Variants in RNLS observed in about 807,000 individuals in gnomAD.
RNLS encodes the protein renalase, FAD dependent amine oxidase, also known as renalase.
In RNLS, 39 loss-of-function variants were observed where a neutral mutation model predicts 39.8. That is an observed-to-expected ratio of 0.98 (90% confidence interval 0.76 to 1.28). The LOEUF is 1.28. Ranked by LOEUF, RNLS falls within the 50% of genes most tolerant of loss-of-function variation. RNLS has a pLI of 0.00. For synonymous variants in RNLS, 147 were observed against 150.7 expected (o/e 0.98, Z 0.18); for missense variants, 410 against 413.3 (o/e 0.99, Z 0.07).
intron 4 of RNLS, among the ~76,000 whole-genome samples, chr10:88,482,243 T>C (rs998297783): frequency 6.6e-6 from 1 of 152,156 alleles, no homozygotes; most frequent in Non-Finnish European, 1.5e-5. Context: ...GTTTTTTCTC[T>C]ACTGCTTTCT....
chr10:88,183,801 A>C, the RNLS span, among the ~76,000 whole-genome samples: 2 of 152,110 alleles, frequency 1.3e-5, no homozygotes, highest in Non-Finnish European at 2.9e-5. Context: ...TTGACCAATC[A>C]GGATGTTTCA....
Position 88,286,319 on chromosome 10 carries a change from G to C in RNLS, c.877-813C>G, listed in dbSNP as rs569007087. Among the ~76,000 whole-genome samples the C allele has an allele frequency of 1.3e-4, 20 of 152,038 alleles. No homozygotes were observed. The South Asian group carries it at 2.7e-3, about 21-fold the overall frequency. ...GTCCTGAGAGTAGACTGACCCCAAA[G>C]CAGTCTTTTTAAACAGCTTTTTATT... On this transcript the variant is annotated intron_variant, in intron 6 of 6. Coordinates refer to ENST00000331772, the MANE Select transcript of RNLS (RefSeq NM_001031709.3).
At chr10:88,556,329 A>T (rs547708602) in intron 4 of RNLS, among the ~76,000 whole-genome samples, 1 of 152,238 alleles carries the variant, frequency 6.6e-6, no homozygotes, top group East Asian at 1.9e-4. Flanking sequence ...TCTGGATTGC[A>T]CCTACTGCTC....
Position 88,308,821 on chromosome 10 carries a change from T to C in RNLS, c.876+5645A>G, listed in dbSNP as rs150540489. ...TTCTATTATAAGATACATGTACACA[T>C]ATGTTCATTGCAGTGCTATTCACAA... On this transcript the variant is annotated intron_variant, in intron 6 of 6. Transcript: ENST00000331772. Among the ~76,000 whole-genome samples, 13 of 152,328 alleles carry C rather than the reference T, an allele frequency of 8.5e-5. No homozygotes were observed. In the East Asian group the frequency reaches 2.3e-3, roughly 27 times the overall value.
intron 4 of RNLS, among the ~76,000 whole-genome samples, chr10:88,427,652 T>C (rs1170146435): frequency 6.6e-6 from 1 of 151,956 alleles, no homozygotes; most frequent in Non-Finnish European, 1.5e-5. Context: ...AAAATCTACT[T>C]ACTATTTGAT....
chr10:88,288,940 G>C (rs890725794), intron 6 of RNLS, among the ~76,000 whole-genome samples: 3 of 152,128 alleles, frequency 2.0e-5, no homozygotes, highest in Admixed American at 2.0e-4. Context: ...CAATAATGCA[G>C]CCTTTGGCTA....
the RNLS span, among the ~76,000 whole-genome samples, chr10:88,206,913 G>C: frequency 6.6e-6 from 1 of 152,064 alleles, no homozygotes; most frequent in Non-Finnish European, 1.5e-5. Context: ...GGACTCTTTA[G>C]CCTTGCCTGA....
the RNLS span, among the ~76,000 whole-genome samples, chr10:88,258,952 C>G: frequency 2.0e-5 from 3 of 152,326 alleles, no homozygotes; most frequent in Middle Eastern, 6.8e-3. Flanking sequence ...GAGCTCAAAT[C>G]CCTGAAGCTA....
intron 4 of RNLS, among the ~76,000 whole-genome samples, chr10:88,539,638 C>T (rs1847943043): frequency 6.6e-6 from 1 of 152,014 alleles, no homozygotes; most frequent in African/African-American, 2.4e-5. Context: ...CACAGTTATC[C>T]CTCAGTACAT....
At chr10:88,291,418 G>A (rs1843666656) in intron 6 of RNLS, among the ~76,000 whole-genome samples, 1 of 152,168 alleles carries the variant, frequency 6.6e-6, no homozygotes, top group African/African-American at 2.4e-5. Flanking sequence ...AAGTCTGGTT[G>A]TCTTCCCAGA....
At chr10:88,220,179 AG>A in the RNLS span, among the ~76,000 whole-genome samples, 5 of 152,266 alleles carry the variant, frequency 3.3e-5, no homozygotes, top group African/African-American at 1.2e-4. Context: ...TGCTGGTGCC[AG>A]TAGTTCATAT....
the RNLS span, among the ~76,000 whole-genome samples, chr10:88,192,146 C>T: frequency 2.6e-5 from 4 of 152,082 alleles, no homozygotes; most frequent in Admixed American, 6.6e-5. Context: ...AAACACTGTG[C>T]TTCCTATGCT....
chr10:88,555,697 G>A (rs558677134), intron 4 of RNLS, among the ~76,000 whole-genome samples: 10 of 152,154 alleles, frequency 6.6e-5, no homozygotes, highest in East Asian at 1.9e-4. Flanking sequence ...TCCACATTGC[G>A]AAATCCAATG....
the RNLS span, among the ~76,000 whole-genome samples, chr10:88,187,018 A>T: frequency 6.6e-6 from 1 of 151,456 alleles, no homozygotes; most frequent in East Asian, 1.9e-4. Flanking sequence ...GAGCACTCAA[A>T]TCTCACAACT....
chr10:88,347,415 T>C (rs1270539903), intron 5 of RNLS, among the ~76,000 whole-genome samples: 2 of 152,204 alleles, frequency 1.3e-5, no homozygotes, highest in Non-Finnish European at 2.9e-5. Context: ...GAGCTTTCTA[T>C]ATTTGAGATT....
At chr10:88,326,528 T>A (rs1430104970) in intron 5 of RNLS, among the ~76,000 whole-genome samples, 1 of 152,212 alleles carries the variant, frequency 6.6e-6, no homozygotes, top group African/African-American at 2.4e-5. Flanking sequence ...GTGTTCAAGA[T>A]GTGGTCTGTG....
the RNLS span, among the ~76,000 whole-genome samples, chr10:88,225,489 G>A: frequency 3.9e-5 from 6 of 152,222 alleles, no homozygotes; most frequent in African/African-American, 1.4e-4. Flanking sequence ...CAAGATGGGA[G>A]GCTTGCTTAA....
intron 4 of RNLS, among the ~76,000 whole-genome samples, chr10:88,383,124 T>C (rs1210279913): frequency 1.3e-5 from 2 of 152,100 alleles, no homozygotes; most frequent in Non-Finnish European, 1.5e-5. Flanking sequence ...TTTTGCGGAC[T>C]TAACCATCAT....
Position 88,495,558 on chromosome 10 carries a change from T to G in RNLS, c.526+77345A>C, listed in dbSNP as rs555647065. ...TCAAAGTAATCTCCATTTAAGTGAG[T>G]GGAACATACTGAAAAGAAATCAAAA... On this transcript the variant is annotated intron_variant, in intron 4 of 6. Coordinates refer to ENST00000331772, the MANE Select transcript of RNLS (RefSeq NM_001031709.3). Among the ~76,000 whole-genome samples the G allele has an allele frequency of 9.9e-5, 15 of 152,028 alleles. No individual in the cohort carries two copies. In the East Asian group the frequency reaches 2.3e-3, roughly 24 times the overall value.
Sources: allele counts gnomAD v4.1 joint callset (sites outside exome capture counted in the v4.1 genomes callset), GRCh38; gene constraint gnomAD v4.1.1; transcripts MANE v1.5; gene names NCBI Gene and HGNC (gene_info 2026-07-23, HGNC 2026-07-21).